UBXN7: variants seen among roughly 807,000 people sequenced by gnomAD.
UBXN7 encodes the protein UBX domain-containing protein 7.
Under a neutral mutation model 58.0 loss-of-function variants are expected in UBXN7, and 9 were observed. The ratio of observed to expected loss-of-function variants is 0.16; its 90% confidence interval spans 0.09 to 0.27. The LOEUF (loss-of-function observed/expected upper bound fraction) is 0.27, where lower values mean the gene tolerates loss of function less well. Ranked by LOEUF, UBXN7 falls within the 10% of genes least tolerant of loss-of-function variation. UBXN7 has a pLI of 1.00. For missense variants in UBXN7, 328 were observed against 599.6 expected, an observed-to-expected ratio of 0.55 and a Z score of 4.73; for synonymous variants, 208 against 205.0, an observed-to-expected ratio of 1.01 and a Z score of -0.12.
At position 196,407,316 on chromosome 3, in the gene UBXN7, C is replaced by G; in HGVS notation, c.151G>C (p.Asp51His). The change falls in exon 2 of 11, where the codon GAT becomes CAT. Residue 51 changes from aspartate to histidine, a missense_variant. This residue lies in a region of UBXN7 where 106 missense variants were observed against 124.3 expected (regional missense o/e 0.85). Transcript: ENST00000296328. The stretch of plus-strand genomic sequence containing the variant: ...GGCTCTTCAGCGATTCCTCCACCAT[C>G]CAAAAACATAGTGACTGCCATTTCC... Reference protein sequence around the residue: ...NLEMAVTMFLDGGGIAEEPST... With the variant: ...NLEMAVTMFLHGGGIAEEPST... The G allele has an allele frequency of 6.2e-7, 1 of 1,613,992 alleles. No individual in the cohort carries two copies. The highest frequency in any genetic ancestry group is 8.5e-7 in the Non-Finnish European group (1 of 1,180,008).
chr3:196,368,885 C>T (rs964739347), intron 7 of UBXN7, among the ~76,000 whole-genome samples: 5 of 152,110 alleles, frequency 3.3e-5, no homozygotes, highest in African/African-American at 1.2e-4. Flanking sequence ...TGCAGTGGCG[C>T]GATCTCGGCT....
At chr3:196,358,955 C>T (rs1728430274) in intron 10 of UBXN7, among the ~76,000 whole-genome samples, 1 of 152,040 alleles carries the variant, frequency 6.6e-6, no homozygotes, top group Admixed American at 6.6e-5. Context: ...GCCACTGCAC[C>T]TGGCCTCCCA....
chr3:196,422,325 T>C (rs1301742381), intron 1 of UBXN7, among the ~76,000 whole-genome samples: 1 of 148,264 alleles, frequency 6.7e-6, no homozygotes, highest in Non-Finnish European at 1.5e-5. Flanking sequence ...ATACAGAAAA[T>C]TAAAAATTAG....
intron 1 of UBXN7, among the ~76,000 whole-genome samples, chr3:196,420,522 C>A (rs1730648220): frequency 6.9e-6 from 1 of 145,284 alleles, no homozygotes; most frequent in African/African-American, 2.5e-5. Flanking sequence ...CAGAGCGAGA[C>A]TCCATCTCAA....
chr3:196,398,413 C>T (rs973742882), intron 3 of UBXN7, among the ~76,000 whole-genome samples: 1 of 152,168 alleles, frequency 6.6e-6, no homozygotes, highest in Non-Finnish European at 1.5e-5. Flanking sequence ...TACCTATGCA[C>T]AATTTTGTAG....
intron 5 of UBXN7, among the ~76,000 whole-genome samples, chr3:196,375,757 G>C (rs1032230315): frequency 3.3e-5 from 5 of 152,204 alleles, no homozygotes; most frequent in Admixed American, 2.0e-4. Flanking sequence ...GGCCTGGCAT[G>C]GTGGCTCATG....
chr3:196,419,265 C>T (rs1192124815), intron 1 of UBXN7, among the ~76,000 whole-genome samples: 1 of 151,740 alleles, frequency 6.6e-6, no homozygotes, highest in South Asian at 2.1e-4. Flanking sequence ...GCCTGGGCAA[C>T]AGAGCAAGAC....
At position 196,355,920 on chromosome 3, in the gene UBXN7, T is replaced by C. The variant is rs1458930992; in HGVS notation, c.*765A>G. The C allele has an allele frequency of 2.0e-5, 3 of 152,274 alleles. No individual in the cohort carries two copies. Among genetic ancestry groups the C allele is most frequent in the Non-Finnish European group, 2.9e-5 (2 of 68,048 alleles). The allele number at this position is 152,274 out of a possible 1,614,324, so 9.4% of individuals were successfully genotyped here. ...GTCACCACGATAGGTTCACTTCATG[T>C]CCATTCTTGGACTAGCAGGATCAAT... On this transcript the variant is annotated 3_prime_UTR_variant, in exon 11 of 11. Transcript: ENST00000296328.
rs552594237 is a variant in UBXN7, at chr3:196,394,545, G to A, written c.290-926C>T. Among the ~76,000 whole-genome samples the A allele has an allele frequency of 9.3e-5, 14 of 150,478 alleles. No homozygotes were observed. The East Asian group carries it at 2.2e-3, about 23-fold the overall frequency. On this transcript the variant is annotated intron_variant, in intron 3 of 10. Coordinates refer to ENST00000296328, the MANE Select transcript of UBXN7 (RefSeq NM_015562.2). ...TTGAACCTGGGAGGTGGAGGTTGCAGCGAGCCAAGATCACGCCACTGCACT... is the reference window on the plus strand; with the variant it reads ...TTGAACCTGGGAGGTGGAGGTTGCAACGAGCCAAGATCACGCCACTGCACT...
intron 5 of UBXN7, among the ~76,000 whole-genome samples, chr3:196,387,596 AAAAC>A (rs748692308): frequency 7.8e-4 from 119 of 152,336 alleles, no homozygotes; most frequent in Non-Finnish European, 1.1e-3. Flanking sequence ...TTACAAGAAA[AAAAC>A]AAACAACCCC....
In UBXN7 at chr3:196,349,956, CCAGAGTATTGTGA is replaced by C. The variant is rs1728174449; in HGVS notation, c.*6716_*6728del. The C allele has an allele frequency of 6.6e-6, 1 of 152,070 alleles. No individual in the cohort carries two copies. Among genetic ancestry groups the C allele is most frequent in the Non-Finnish European group, 1.5e-5 (1 of 68,002 alleles). 9.4% of individuals were successfully genotyped at this position (152,070 alleles called of 1,614,324 possible). A position where few individuals can be genotyped will look rare whatever the true frequency, so the allele number is the denominator to read the frequency against. On this transcript the variant is annotated 3_prime_UTR_variant, in exon 11 of 11. Coordinates refer to ENST00000296328, the MANE Select transcript of UBXN7 (RefSeq NM_015562.2). The stretch of plus-strand genomic sequence containing the variant: ...GACCTTTAGAAGGGATATAAAATAC[CCAGAGTATTGTGA>C]TCTCTAGAGAGGAAATACAATTAAA...
intron 8 of UBXN7, among the ~76,000 whole-genome samples, chr3:196,363,557 T>C (rs1249051283): frequency 1.3e-5 from 2 of 151,992 alleles, no homozygotes; most frequent in African/African-American, 4.8e-5. Flanking sequence ...GCTAGGCCTC[T>C]TGCACCAAAC....
At chr3:196,372,101 C>A in intron 5 of UBXN7, 59 bp from the exon 6 acceptor site, 1 of 1,524,046 alleles carries the variant, frequency 6.6e-7, no homozygotes, top group South Asian at 1.3e-5. Flanking sequence ...ACAGATGTTT[C>A]CGTAGTTGTT....
chr3:196,381,864 T>G (rs943832002), intron 5 of UBXN7, among the ~76,000 whole-genome samples: 2 of 152,204 alleles, frequency 1.3e-5, no homozygotes, highest in African/African-American at 4.8e-5. Context: ...AATAGCTGAT[T>G]TGATCAAGTG....
chr3:196,349,906 A>AAG lies in UBXN7; in HGVS notation c.*6778_*6779insCT, dbSNP rs1436101169. The AAG allele has an allele frequency of 6.6e-6, 1 of 152,222 alleles. No homozygotes were observed. The highest frequency in any genetic ancestry group is 1.5e-5 in the Non-Finnish European group (1 of 68,034). 9.4% of individuals were successfully genotyped at this position (152,222 alleles called of 1,614,324 possible). A position where few individuals can be genotyped will look rare whatever the true frequency, so the allele number is the denominator to read the frequency against. On this transcript the variant is annotated 3_prime_UTR_variant, in exon 11 of 11. Transcript: ENST00000296328. ...AGGTTTAGTCCAGCTTAGCTTGACT[A>AAG]TTCTTCCCATTTGAAAACCCAAATG...
intron 1 of UBXN7, among the ~76,000 whole-genome samples, chr3:196,412,948 T>C (rs1300696574): frequency 6.6e-6 from 1 of 152,274 alleles, no homozygotes; most frequent in African/African-American, 2.4e-5. Flanking sequence ...TTAATGGGTA[T>C]AGAGTTTCAG....
chr3:196,412,868 C>T (rs1205394908), intron 1 of UBXN7, among the ~76,000 whole-genome samples: 2 of 152,006 alleles, frequency 1.3e-5, no homozygotes, highest in East Asian at 1.9e-4. Flanking sequence ...CACTAAAAAT[C>T]GAGTCAGAAA....
At chr3:196,415,400 C>T (rs1348224570) in intron 1 of UBXN7, among the ~76,000 whole-genome samples, 2 of 149,462 alleles carry the variant, frequency 1.3e-5, no homozygotes, top group Non-Finnish European at 3.0e-5. Flanking sequence ...GATCCGCCTG[C>T]CTCAGCCTCC....
chr3:196,366,876 A>C (rs762379484), intron 8 of UBXN7, among the ~76,000 whole-genome samples: 1 of 152,086 alleles, frequency 6.6e-6, no homozygotes, highest in African/African-American at 2.4e-5. Context: ...GAAATGGAAC[A>C]AGATCCTGCC....
Sources: gnomAD v4.1 joint callset for allele counts (sites outside exome capture counted in the v4.1 genomes callset) on GRCh38, gnomAD v4.1.1 for gene constraint, gnomAD v4.1.1 regional missense constraint, MANE v1.5 for transcripts, NCBI Gene and HGNC (gene_info 2026-07-23, HGNC 2026-07-21) for gene names.